SLC7A7: variants seen among roughly 807,000 people sequenced by gnomAD.
The protein encoded by SLC7A7 is solute carrier family 7 member 7.
SLC7A7 carries 39 observed loss-of-function variants against 47.9 expected under a neutral mutation model. That is an observed-to-expected ratio of 0.81 (90% CI 0.63 to 1.06). The LOEUF (loss-of-function observed/expected upper bound fraction) is 1.06, where lower values mean the gene tolerates loss of function less well. Among genes scored for constraint, SLC7A7 ranks in the 50% least tolerant of loss-of-function variants. The pLI is 0.00. For missense variants in SLC7A7, 588 were observed against 632.0 expected (o/e 0.93, Z 0.75); for synonymous variants, 234 against 242.8 (o/e 0.96, Z 0.34).
chr14:22,794,653 G>A (rs1041448078), intron 2 of SLC7A7, among the ~76,000 whole-genome samples: 3 of 151,976 alleles, frequency 2.0e-5, no homozygotes, highest in African/African-American at 7.3e-5. Flanking sequence ...TGCTTCTCTG[G>A]GTGTGTTTCC....
chr14:22,792,867 A>AAGAGAGAGAAAGAGAGAGAGAGAG (rs2038947317), intron 2 of SLC7A7, among the ~76,000 whole-genome samples: 3 of 122,466 alleles, frequency 2.4e-5, no homozygotes, highest in Non-Finnish European at 4.9e-5. Context: ...CAAAGAAAGA[A>AAGAGAGAGAAAGAGAGAGAGAGAG]AGAGAGAGAG....
At position 22,773,400 on chromosome 14, in the gene SLC7A7, C is replaced by G. The variant is rs181280202; in HGVS notation, c.*210G>C. ...CTGACATGCTCCTCCCCACAGTCACCTTCATTGTCCCCTTTAAAAGTCTGG... is the reference window on the plus strand; with the variant it reads ...CTGACATGCTCCTCCCCACAGTCACGTTCATTGTCCCCTTTAAAAGTCTGG... On this transcript the variant is annotated 3_prime_UTR_variant, in exon 10 of 10. Coordinates refer to ENST00000674313, the MANE Select transcript of SLC7A7 (RefSeq NM_003982.4). 1 of 651,170 alleles carries G rather than the reference C, an allele frequency of 1.5e-6. No homozygotes were observed. The highest frequency in any genetic ancestry group is 1.5e-5 in the South Asian group (1 of 66,250). The allele number at this position is 651,170 out of a possible 1,614,324, so 40.3% of individuals were successfully genotyped here. A position where few individuals can be genotyped will look rare whatever the true frequency, so the allele number is the denominator to read the frequency against.
intron 2 of SLC7A7, among the ~76,000 whole-genome samples, chr14:22,799,961 G>A (rs766018403): frequency 1.9e-4 from 29 of 152,078 alleles, no homozygotes; most frequent in Non-Finnish European, 3.4e-4. Flanking sequence ...AGTAACTGGC[G>A]TCACCATCCA....
chr14:22,776,955 C>T (rs1010937983), intron 4 of SLC7A7, among the ~76,000 whole-genome samples: 11 of 146,690 alleles, frequency 7.5e-5, no homozygotes, highest in South Asian at 2.2e-4. Context: ...GGCGACAGAG[C>T]GAGACTCTGT....
chr14:22,783,877 G>A (rs1424636839), intron 2 of SLC7A7, among the ~76,000 whole-genome samples: 1 of 152,228 alleles, frequency 6.6e-6, no homozygotes, highest in East Asian at 1.9e-4. Flanking sequence ...CCTACAGAAA[G>A]AAACCAGGGA....
Position 22,774,022 on chromosome 14 carries a change from A to T in SLC7A7, c.1340T>A (p.Ile447Asn), listed in dbSNP as rs1459950013. The change falls in exon 9 of 10, where the codon ATT becomes AAT. Residue 447 changes from isoleucine (I) to asparagine (N), a missense_variant. Coordinates refer to ENST00000674313, the MANE Select transcript of SLC7A7 (RefSeq NM_003982.4). ...YSDTINSLIG[I>N]AIALSGLPFY... ...GGGCAGGCCTGAGAGGGCAATGGCA[A>T]TGCCGATGAGGGAGTTGATAGTATC... The T allele has an allele frequency of 6.2e-7, 1 of 1,614,210 alleles. No homozygotes were observed. The highest frequency in any genetic ancestry group is 1.1e-5 in the South Asian group (1 of 91,086).
intron 2 of SLC7A7, among the ~76,000 whole-genome samples, chr14:22,792,929 T>A (rs2038951345): frequency 6.7e-6 from 1 of 150,362 alleles, no homozygotes. Context: ...CTTTTTTTTT[T>A]TTTTAAAGAC....
intron 4 of SLC7A7, 43 bp from the exon 5 acceptor site, chr14:22,776,361 T>G: frequency 6.2e-7 from 1 of 1,613,712 alleles, no homozygotes; most frequent in Non-Finnish European, 8.5e-7. Context: ...CCCACAGTCA[T>G]ATCCCTATCT....
intron 1 of SLC7A7, among the ~76,000 whole-genome samples, chr14:22,813,716 G>A (rs1205996583): frequency 2.0e-5 from 3 of 151,636 alleles, no homozygotes; most frequent in Non-Finnish European, 4.4e-5. Flanking sequence ...TCAGCCTCCC[G>A]GGTTCAAGCG....
chr14:22,781,155 G>C (rs2038712972), intron 2 of SLC7A7, among the ~76,000 whole-genome samples: 1 of 152,162 alleles, frequency 6.6e-6, no homozygotes, highest in African/African-American at 2.4e-5. Context: ...CAAGGGCAAG[G>C]TCAACATCAC....
At chr14:22,812,313 C>A (rs898056646) in intron 2 of SLC7A7, among the ~76,000 whole-genome samples, 1 of 151,800 alleles carries the variant, frequency 6.6e-6, no homozygotes, top group African/African-American at 2.4e-5. Flanking sequence ...ATTACAGGCA[C>A]CTGCCACCAC....
chr14:22,811,623 G>A (rs4982679), intron 2 of SLC7A7, among the ~76,000 whole-genome samples: 80,945 of 152,044 alleles, frequency 0.53, 21,829 homozygotes, highest in East Asian at 0.8. Context: ...GCCAAGGCAG[G>A]TAGATCACTT....
Position 22,773,650 on chromosome 14 carries a change from C to T in SLC7A7, c.1496G>A (p.Gly499Glu). 2 of 1,614,170 alleles carry T rather than the reference C, an allele frequency of 1.2e-6. No homozygotes were observed. Among genetic ancestry groups the T allele is most frequent in the Non-Finnish European group, 8.5e-7 (1 of 1,180,032 alleles). ...SVAAEMDLED[G>E]GEMPKQRDPK... Reference sequence around the variant, plus strand: ...ATCCCGTTGCTTGGGCATCTCTCCTCCATCTTCCAAATCCATTTCTGCAGC... The same window carrying T: ...ATCCCGTTGCTTGGGCATCTCTCCTTCATCTTCCAAATCCATTTCTGCAGC... The change falls in exon 10 of 10, where the codon GGA (glycine) becomes GAA (glutamate). Residue 499 changes from glycine to glutamate, a missense_variant. Physicochemically the swap from Gly to Glu is moderately conservative, Grantham distance 98. Coordinates refer to ENST00000674313, the MANE Select transcript of SLC7A7 (RefSeq NM_003982.4).
intron 7 of SLC7A7, 136 bp downstream of exon 7, chr14:22,775,308 G>T: frequency 1.2e-6 from 1 of 803,100 alleles, no homozygotes; most frequent in Non-Finnish European, 2.2e-6. Flanking sequence ...CCTTGCCCGT[G>T]GTGAACATTC....
At chr14:22,786,663 A>G (rs1315398870) in intron 2 of SLC7A7, among the ~76,000 whole-genome samples, 1 of 152,110 alleles carries the variant, frequency 6.6e-6, no homozygotes, top group Non-Finnish European at 1.5e-5. Flanking sequence ...GCTGGGTGCG[A>G]TGGCTCATGC....
In SLC7A7 at chr14:22,778,779, G is replaced by T; in HGVS notation, c.770+14C>A. 1 of 1,611,774 alleles carries T rather than the reference G, an allele frequency of 6.2e-7. No homozygotes were observed. The highest frequency in any genetic ancestry group is 8.5e-7 in the Non-Finnish European group (1 of 1,178,064). On this transcript the variant is annotated intron_variant, in intron 4 of 9. Transcript: ENST00000674313. Reference sequence around the variant, plus strand: ...GCTATCACTGCTATGGAAAGTTGGTGGTGCAGTACCTACCTCTCAGGATTC... The same window carrying T: ...GCTATCACTGCTATGGAAAGTTGGTTGTGCAGTACCTACCTCTCAGGATTC...
At chr14:22,796,761 C>A (rs565119248) in intron 2 of SLC7A7, among the ~76,000 whole-genome samples, 78 of 152,292 alleles carry the variant, frequency 5.1e-4, no homozygotes, top group African/African-American at 1.8e-3. Flanking sequence ...GGCCAAAACA[C>A]CTTGGCTCTG....
chr14:22,774,570 T>A (rs2038558603), intron 7 of SLC7A7, 67 bp from the exon 8 acceptor site: 4 of 1,603,756 alleles, frequency 2.5e-6, no homozygotes, highest in South Asian at 2.2e-5. Context: ...TTCACTCCCT[T>A]TATACCCCAG....
chr14:22,781,505 C>T (rs2038718942), intron 2 of SLC7A7, among the ~76,000 whole-genome samples: 1 of 152,176 alleles, frequency 6.6e-6, no homozygotes, highest in Admixed American at 6.5e-5. Context: ...TAATAAACAA[C>T]AAACCTTATC....
Sources: gnomAD v4.1 joint callset for allele counts (sites outside exome capture counted in the v4.1 genomes callset) on GRCh38, gnomAD v4.1.1 for gene constraint, MANE v1.5 for transcripts, NCBI Gene and HGNC (gene_info 2026-07-23, HGNC 2026-07-21) for gene names.